Variants in CHD9 observed in about 807,000 individuals in gnomAD.
CHD9 encodes chromodomain helicase DNA binding protein 9.
A neutral mutation model predicts 316.1 loss-of-function variants in CHD9; 77 were observed. The observed-to-expected ratio is 0.24, with a 90% CI of 0.20 to 0.29. CHD9 has a LOEUF of 0.29. Among genes scored for constraint, CHD9 ranks in the 10% least tolerant of loss-of-function variants. The pLI is 1.00. For missense variants in CHD9, 2,763 were observed against 3,438.1 expected, an observed-to-expected ratio of 0.80 and a Z score of 4.91; for synonymous variants, 1,129 against 1,158.3, an observed-to-expected ratio of 0.97 and a Z score of 0.51.
At chr16:53,092,418 A>C (rs1316430961) in intron 1 of CHD9, among the ~76,000 whole-genome samples, 2 of 152,164 alleles carry the variant, frequency 1.3e-5, no homozygotes, top group Admixed American at 6.5e-5. Flanking sequence ...CTGTACTGCT[A>C]CCTCTCTCGG....
In CHD9 at chr16:53,204,497, A is replaced by C. The variant is rs766375570; in HGVS notation, c.1453-4985A>C. On this transcript the variant is annotated intron_variant, in intron 2 of 38. Transcript: ENST00000447540. Reference sequence around the variant, plus strand: ...GAAAAATTATAATTTTATTAGAGGCATGAAGTGCATGCATAAGGGTCTGAC... The same window carrying C: ...GAAAAATTATAATTTTATTAGAGGCCTGAAGTGCATGCATAAGGGTCTGAC... Among the ~76,000 whole-genome samples the C allele has an allele frequency of 3.6e-4, 55 of 152,174 alleles. 1 individual carries two copies. The highest frequency in any genetic ancestry group is 6.9e-4 in the Non-Finnish European group (47 of 68,018).
At chr16:53,101,313 T>C (rs1302895580) in intron 1 of CHD9, among the ~76,000 whole-genome samples, 2 of 151,286 alleles carry the variant, frequency 1.3e-5, no homozygotes, top group African/African-American at 4.9e-5. Context: ...CTCACTCTTT[T>C]ACCCAAGCTG....
intron 1 of CHD9, among the ~76,000 whole-genome samples, chr16:53,105,322 A>G (rs1369356611): frequency 2.0e-5 from 3 of 152,100 alleles, no homozygotes; most frequent in Non-Finnish European, 2.9e-5. Context: ...TTTCATATAT[A>G]TGTATGTAAA....
At chr16:53,254,354 T>G (rs1270377550) in intron 17 of CHD9, 84 bp from the exon 18 acceptor site, 2 of 934,830 alleles carry the variant, frequency 2.1e-6, no homozygotes, top group African/African-American at 3.3e-5. Context: ...AGAATTCTTG[T>G]ATGTGTTTAT....
At chr16:53,063,200 CT>C (rs35279032) in intron 1 of CHD9, among the ~76,000 whole-genome samples, 34,297 of 151,952 alleles carry the variant, frequency 0.23, 4,125 homozygotes, top group South Asian at 0.34. Context: ...GGTAGGGACT[CT>C]TTGCCCCATG....
chr16:53,192,640 A>G (rs924006600), intron 2 of CHD9, among the ~76,000 whole-genome samples: 4 of 152,136 alleles, frequency 2.6e-5, no homozygotes, highest in African/African-American at 7.2e-5. Flanking sequence ...TCCCGTTTGC[A>G]CTCAGTCTTT....
chr16:53,202,214 G>A (rs1250558719), intron 2 of CHD9, among the ~76,000 whole-genome samples: 2 of 152,010 alleles, frequency 1.3e-5, no homozygotes, highest in Admixed American at 6.6e-5. Context: ...ACCTAAAAAA[G>A]ATAACCATAA....
At chr16:53,273,398 G>C (rs1033838171) in intron 22 of CHD9, among the ~76,000 whole-genome samples, 2 of 152,118 alleles carry the variant, frequency 1.3e-5, no homozygotes, top group African/African-American at 4.8e-5. Flanking sequence ...AAGGAAATCA[G>C]AATGATTAAT....
intron 19 of CHD9, among the ~76,000 whole-genome samples, chr16:53,261,230 T>A (rs1191694180): frequency 1.3e-5 from 2 of 152,028 alleles, no homozygotes; most frequent in Non-Finnish European, 2.9e-5. Context: ...ATAAGCATCT[T>A]AAAAGCCAAA....
intron 1 of CHD9, among the ~76,000 whole-genome samples, chr16:53,143,561 G>A (rs2040317747): frequency 6.6e-6 from 1 of 151,688 alleles, no homozygotes; most frequent in Admixed American, 6.6e-5. Context: ...CTAATTTTTT[G>A]TATTTTTAGT....
intron 17 of CHD9, among the ~76,000 whole-genome samples, chr16:53,251,076 G>T (rs559718114): frequency 6.6e-6 from 1 of 152,088 alleles, no homozygotes; most frequent in South Asian, 2.1e-4. Context: ...ATAAGCCAGA[G>T]ACCACCAACT....
chr16:53,238,425 G>T lies in CHD9; in HGVS notation c.2716G>T (p.Gly906Cys). 1.9e-6 allele frequency: 3 copies of T among 1,613,004 alleles called. No individual in the cohort carries two copies. The highest frequency in any genetic ancestry group is 2.5e-6 in the Non-Finnish European group (3 of 1,179,218). Residue 906 changes from glycine (G) to cysteine (C), a missense_variant, in exon 12 of 39, where the codon GGT becomes TGT. Around this residue, in one of 15 missense-constraint regions of CHD9, gnomAD observed 186 missense variants for 245.0 expected, o/e 0.76. Coordinates refer to ENST00000447540, the MANE Select transcript of CHD9 (RefSeq NM_001308319.2). ...ITFLYEILLT[G>C]IRGPFLIIAP... Reference sequence around the variant, plus strand: ...ATTCCTCTATGAAATCCTTCTGACTGGTATAAGAGGACCTTTCCTGATTAT... The same window carrying T: ...ATTCCTCTATGAAATCCTTCTGACTTGTATAAGAGGACCTTTCCTGATTAT...
At position 53,303,718 on chromosome 16, in the gene CHD9, A is replaced by G; in HGVS notation, c.5714-2A>G. 6.3e-7 allele frequency: 1 copy of G among 1,576,790 alleles called. No homozygotes were observed. Among genetic ancestry groups the G allele is most frequent in the Non-Finnish European group, 8.6e-7 (1 of 1,163,346 alleles). Reference sequence around the variant, plus strand: ...TATTTTTGTCCTTGTTTCAATATGTAGAATTGGTGGATCCAAATATTTTTA... The same window carrying G: ...TATTTTTGTCCTTGTTTCAATATGTGGAATTGGTGGATCCAAATATTTTTA... On this transcript the variant is annotated splice_acceptor_variant, in intron 30 of 38. Transcript: ENST00000447540. LOFTEE classifies it high-confidence loss of function.
At chr16:53,269,853 T>TA (rs2052066115) in intron 22 of CHD9, among the ~76,000 whole-genome samples, 1 of 152,006 alleles carries the variant, frequency 6.6e-6, no homozygotes. Flanking sequence ...ATCTAGTGGG[T>TA]AGAGGCCAGG....
chr16:53,125,322 C>T (rs957362026), intron 1 of CHD9, among the ~76,000 whole-genome samples: 1 of 144,750 alleles, frequency 6.9e-6, no homozygotes, highest in Admixed American at 7.4e-5. Context: ...CTCCTGGGTT[C>T]AAGCAATTCC....
intron 2 of CHD9, among the ~76,000 whole-genome samples, chr16:53,169,743 A>G (rs1006717632): frequency 2.6e-5 from 4 of 152,126 alleles, no homozygotes; most frequent in African/African-American, 9.7e-5. Flanking sequence ...TGAATATAAG[A>G]CTTTTACCAC....
chr16:53,178,506 C>T (rs537927495), intron 2 of CHD9, among the ~76,000 whole-genome samples: 7 of 145,598 alleles, frequency 4.8e-5, no homozygotes, highest in African/African-American at 7.5e-5. Flanking sequence ...AAACATGGCT[C>T]ACTGTACCCT....
intron 2 of CHD9, among the ~76,000 whole-genome samples, chr16:53,177,758 T>A (rs1156256689): frequency 6.6e-6 from 1 of 152,236 alleles, no homozygotes; most frequent in Admixed American, 6.5e-5. Context: ...ATCAAGCCAG[T>A]AAACTATGTT....
At chr16:53,304,777 C>T (rs1419415266) in intron 31 of CHD9, among the ~76,000 whole-genome samples, 152 bp downstream of exon 31, 4 of 149,366 alleles carry the variant, frequency 2.7e-5, no homozygotes, top group South Asian at 4.2e-4. Context: ...TCACTTCAAC[C>T]TCCACCTCCT....
Sources: allele counts gnomAD v4.1 joint callset (sites outside exome capture counted in the v4.1 genomes callset), GRCh38; gene constraint gnomAD v4.1.1; regional missense constraint gnomAD v4.1.1; transcripts MANE v1.5; gene names NCBI Gene and HGNC (gene_info 2026-07-23, HGNC 2026-07-21).